Variants in JMJD6 observed in about 807,000 individuals in gnomAD.
The protein encoded by JMJD6 is jumonji domain containing 6, arginine demethylase and lysine hydroxylase, also known as bifunctional arginine demethylase and lysyl-hydroxylase JMJD6.
A neutral mutation model predicts 45.8 loss-of-function variants in JMJD6; 17 were observed. That is an observed-to-expected ratio of 0.37 (90% CI 0.25 to 0.56). The LOEUF (loss-of-function observed/expected upper bound fraction) is 0.56. Among genes scored for constraint, JMJD6 ranks in the 20% least tolerant of loss-of-function variants. JMJD6 has a pLI of 0.79. For synonymous variants in JMJD6, 221 were observed against 196.3 expected, an observed-to-expected ratio of 1.13 and a Z score of -1.05; for missense variants, 470 against 517.5, an observed-to-expected ratio of 0.91 and a Z score of 0.89.
chr17:76,718,998 C>T (rs911593226), intron 5 of JMJD6, 138 bp from the exon 6 acceptor site: 3 of 803,530 alleles, frequency 3.7e-6, no homozygotes, highest in South Asian at 1.9e-5. Context: ...ATGACAGCTC[C>T]ACAATGTAGC....
At chr17:76,721,604 AC>A (rs1359755465) in intron 4 of JMJD6, among the ~76,000 whole-genome samples, 193 bp downstream of exon 4, 1 of 152,126 alleles carries the variant, frequency 6.6e-6, no homozygotes, top group Non-Finnish European at 1.5e-5. Flanking sequence ...TCACCCTGCC[AC>A]CTCGAGGCTG....
At chr17:76,716,532 G>A, downstream of JMJD6, 1 of 676,948 alleles carries the variant, frequency 1.5e-6, no homozygotes, top group Non-Finnish European at 2.6e-6. Context: ...AGTAAAAACA[G>A]CATTTGACCG....
At chr17:76,714,134 C>T (rs1272117737), downstream of JMJD6, 13 of 152,204 alleles carry the variant, frequency 8.5e-5, no homozygotes, top group Admixed American at 1.3e-4. Flanking sequence ...CCCTAAACAT[C>T]CCAGTACCAC....
Position 76,725,602 on chromosome 17 carries a change from C to T in JMJD6, c.383G>A (p.Ser128Asn). Residue 128 changes from serine to asparagine, a missense_variant, in exon 2 of 6, where the codon AGT (serine) becomes AAT (asparagine). By Grantham distance (46) the Ser-to-Asn change is conservative. Around this residue, in one of 4 missense-constraint regions of JMJD6, gnomAD observed 346 missense variants for 339.5 expected, o/e 1.02. Coordinates refer to ENST00000397625, the MANE Select transcript of JMJD6 (RefSeq NM_015167.3). ...IEYMESTRDD[S>N]PLYIFDSSYG... ...GCTGCTGTCAAAGATGTAAAGGGGA[C>T]TATCATCTCGAGTGCTCTCCATGTA... is the stretch of plus-strand genomic sequence containing the variant. 6.2e-7 allele frequency: 1 copy of T among 1,614,032 alleles called. No homozygotes were observed. Among genetic ancestry groups the T allele is most frequent in the Non-Finnish European group, 8.5e-7 (1 of 1,180,008 alleles).
intron 2 of JMJD6, 119 bp from the exon 3 acceptor site, chr17:76,724,177 G>C (rs1158913511): frequency 9.0e-7 from 1 of 1,106,436 alleles, no homozygotes; most frequent in Non-Finnish European, 1.3e-6. Context: ...CTGGAATGCA[G>C]TGGCGTGATC....
chr17:76,722,917 A>AAAGACAATAGGTAACTACTG (rs1567999677), intron 3 of JMJD6, among the ~76,000 whole-genome samples: 7 of 136,920 alleles, frequency 5.1e-5, no homozygotes, highest in African/African-American at 1.7e-4. Context: ...CTACACATAC[A>AAAGACAATAGGTAACTACTG]CAAACAAAGA....
downstream of JMJD6, chr17:76,716,868 A>G (rs1046243040): frequency 2.8e-6 from 2 of 710,022 alleles, no homozygotes; most frequent in South Asian, 1.7e-5. Context: ...TACAAATTAC[A>G]AAGTCACAGA....
intron 5 of JMJD6, 76 bp from the exon 6 acceptor site, chr17:76,718,936 C>T (rs12450107): frequency 3.2e-5 from 45 of 1,424,936 alleles, no homozygotes; most frequent in South Asian, 7.6e-5. Flanking sequence ...CCTCTGACCT[C>T]GGGAGACAGC....
downstream of JMJD6, chr17:76,714,679 C>G (rs2076752187): frequency 6.6e-6 from 1 of 152,238 alleles, no homozygotes; most frequent in Non-Finnish European, 1.5e-5. Context: ...TCTGTACTAT[C>G]CAGACACTGT....
Position 76,718,661 on chromosome 17 carries a change from G to T in JMJD6, c.*68C>A. ...CTCCCCTTGTCTGCAGGACTGGACA[G>T]GCCACCCTCCCCAGGCCCTGCCCTT... is the stretch of plus-strand genomic sequence containing the variant. On this transcript the variant is annotated 3_prime_UTR_variant, in exon 6 of 6. Coordinates refer to ENST00000397625, the MANE Select transcript of JMJD6 (RefSeq NM_015167.3). The T allele has an allele frequency of 6.4e-7, 1 of 1,574,654 alleles. No individual in the cohort carries two copies. The highest frequency in any genetic ancestry group is 8.6e-7 in the Non-Finnish European group (1 of 1,161,116).
In JMJD6 at chr17:76,723,792, C is replaced by T; in HGVS notation, c.785G>A (p.Gly262Glu). ...FKPLEILQKP[G>E]ETVFVPGGWW... ...TATACCTGGTACAAAGACAGTCTCT[C>T]CTGGTTTTTGTAAGATTTCCAGGGG... Residue 262 changes from glycine to glutamate, a missense_variant, in exon 3 of 6, where the codon GGA becomes GAA. Coordinates refer to ENST00000397625, the MANE Select transcript of JMJD6 (RefSeq NM_015167.3). 6.2e-7 allele frequency: 1 copy of T among 1,614,104 alleles called. No homozygotes were observed. The highest frequency in any genetic ancestry group is 1.1e-5 in the South Asian group (1 of 91,084).
chr17:76,717,475 A>G (rs1247586421), downstream of JMJD6, among the ~76,000 whole-genome samples: 1 of 152,248 alleles, frequency 6.6e-6, no homozygotes. Context: ...AGCCTGTTAC[A>G]TGCCCAGGTG....
Position 76,718,601 on chromosome 17 carries a change from G to T in JMJD6, c.*128C>A. The stretch of plus-strand genomic sequence containing the variant: ...AAACGCTAAGTGAATGGGTTCCCGT[G>T]CCGAGGGTGTCCTCATTCTTGGGCT... On this transcript the variant is annotated 3_prime_UTR_variant, in exon 6 of 6. Transcript: ENST00000397625. 1 of 1,471,714 alleles carries T rather than the reference G, an allele frequency of 6.8e-7. No homozygotes were observed. 91.2% of individuals were successfully genotyped at this position (1,471,714 alleles called of 1,614,324 possible).
intron 2 of JMJD6, 135 bp downstream of exon 2, chr17:76,725,332 G>A: frequency 1.2e-6 from 1 of 811,754 alleles, no homozygotes; most frequent in Non-Finnish European, 1.9e-6. Context: ...CTTGAACTCG[G>A]GAGATGGAGG....
rs893573970 is a variant in JMJD6, at chr17:76,721,792, T to C, written c.941+6A>G. ...CAAGCAGAAATAAGAAAAAAATGAC[T>C]CTCACCTATACCATTTCCTTGATAA... On this transcript the variant is annotated splice_donor_region_variant and intron_variant, in intron 4 of 5. Coordinates refer to ENST00000397625, the MANE Select transcript of JMJD6 (RefSeq NM_015167.3). 6.2e-7 allele frequency: 1 copy of C among 1,610,362 alleles called. No homozygotes were observed. Among genetic ancestry groups the C allele is most frequent in the Non-Finnish European group, 8.5e-7 (1 of 1,178,170 alleles).
At chr17:76,725,428 A>G (rs2076904054) in intron 2 of JMJD6, 39 bp downstream of exon 2, 3 of 1,484,676 alleles carry the variant, frequency 2.0e-6, no homozygotes, top group South Asian at 2.8e-5. Context: ...AAAAAAAAAA[A>G]GAAAAGGATT....
At chr17:76,718,885 AG>A in intron 5 of JMJD6, 25 bp from the exon 6 acceptor site, 1 of 1,608,750 alleles carries the variant, frequency 6.2e-7, no homozygotes, top group Non-Finnish European at 8.5e-7. Context: ...ACAGAAAACA[AG>A]GAGTCAACCT....
At chr17:76,724,253 C>G (rs1240085725) in intron 2 of JMJD6, among the ~76,000 whole-genome samples, 195 bp from the exon 3 acceptor site, 1 of 151,998 alleles carries the variant, frequency 6.6e-6, no homozygotes, top group Non-Finnish European at 1.5e-5. Context: ...TCCTGAGTAG[C>G]TGGGATTACC....
At chr17:76,722,641 T>G (rs1231039614) in intron 3 of JMJD6, among the ~76,000 whole-genome samples, 1 of 150,036 alleles carries the variant, frequency 6.7e-6, no homozygotes. Context: ...AGCTCAAGAG[T>G]TCAAGACCAG....
Sources: allele counts gnomAD v4.1 joint callset (sites outside exome capture counted in the v4.1 genomes callset), GRCh38; gene constraint gnomAD v4.1.1; regional missense constraint gnomAD v4.1.1; transcripts MANE v1.5; gene names NCBI Gene and HGNC (gene_info 2026-07-23, HGNC 2026-07-21).